Variants in SLAMF6 observed in about 807,000 individuals in gnomAD.
SLAMF6 encodes the protein NK-T-B-antigen.
A neutral mutation model predicts 38.3 loss-of-function variants in SLAMF6; 21 were observed. The observed-to-expected ratio is 0.55, with a 90% CI of 0.39 to 0.79. SLAMF6 has a LOEUF of 0.79. Ranked by LOEUF, SLAMF6 falls within the 30% of genes least tolerant of loss-of-function variation. SLAMF6 has a pLI of 0.00. For missense variants in SLAMF6, 341 were observed against 385.3 expected (o/e 0.89, Z 0.96); for synonymous variants, 152 against 146.3 (o/e 1.04, Z -0.28).
At chr1:160,493,675 C>G (rs552185661) in intron 2 of SLAMF6, among the ~76,000 whole-genome samples, 1 of 152,214 alleles carries the variant, frequency 6.6e-6, no homozygotes, top group East Asian at 1.9e-4. Flanking sequence ...ACACTGAACT[C>G]TAGGCAGTTG....
chr1:160,485,160 C>A lies in SLAMF6; in HGVS notation c.*1547G>T, dbSNP rs894308888. 2 of 152,116 alleles carry A rather than the reference C, an allele frequency of 1.3e-5. No individual in the cohort carries two copies. The highest frequency in any genetic ancestry group is 3.9e-4 in the East Asian group (2 of 5,184). 9.4% of individuals were successfully genotyped at this position (152,116 alleles called of 1,614,324 possible). On this transcript the variant is annotated 3_prime_UTR_variant, in exon 8 of 8. Coordinates refer to ENST00000368057, the MANE Select transcript of SLAMF6 (RefSeq NM_001184714.2). ...CCACCTCCTGGGTTCAAGCGATTCT[C>A]CTGCCTCAGTCTCTCAAGTAGCTGG...
Position 160,485,179 on chromosome 1 carries a change from T to A in SLAMF6, c.*1528A>T, listed in dbSNP as rs1281405481. 3 of 152,110 alleles carry A rather than the reference T, an allele frequency of 2.0e-5. No homozygotes were observed. The highest frequency in any genetic ancestry group is 4.4e-5 in the Non-Finnish European group (3 of 68,034). 9.4% of individuals were successfully genotyped at this position (152,110 alleles called of 1,614,324 possible). The stretch of plus-strand genomic sequence containing the variant: ...GATTCTCCTGCCTCAGTCTCTCAAG[T>A]AGCTGGGATTTTAGGGGTGCACCAC... On this transcript the variant is annotated 3_prime_UTR_variant, in exon 8 of 8. Transcript: ENST00000368057.
intron 6 of SLAMF6, among the ~76,000 whole-genome samples, chr1:160,487,994 G>A (rs1330626875): frequency 6.6e-6 from 1 of 151,380 alleles, no homozygotes; most frequent in African/African-American, 2.4e-5. Context: ...GGAGGCCAAG[G>A]TAAAAGGATC....
At chr1:160,497,383 CT>C (rs1258064752) in intron 1 of SLAMF6, among the ~76,000 whole-genome samples, 1 of 152,104 alleles carries the variant, frequency 6.6e-6, no homozygotes, top group Non-Finnish European at 1.5e-5. Context: ...CTTAATTAGC[CT>C]TGCATGTCAG....
chr1:160,522,508 A>C (rs990495298), intron 1 of SLAMF6, among the ~76,000 whole-genome samples: 2 of 152,186 alleles, frequency 1.3e-5, no homozygotes, highest in African/African-American at 4.8e-5. Context: ...TTCTCCATAT[A>C]ATGGACAGCA....
Position 160,491,205 on chromosome 1 carries a change from C to G in SLAMF6, c.566G>C (p.Ser189Thr). The G allele has an allele frequency of 6.2e-7, 1 of 1,614,080 alleles. No individual in the cohort carries two copies. Among genetic ancestry groups the G allele is most frequent in the Non-Finnish European group, 8.5e-7 (1 of 1,179,978 alleles). Residue 189 changes from serine to threonine, a missense_variant, in exon 3 of 8, where the codon AGT (serine) becomes ACT (threonine). Transcript: ENST00000368057. ...LTVSWDPRIS[S>T]EQDYTCIAEN... ...TGCTATGCAGGTGTAGTCCTGTTCA[C>G]TGGAAATCCTGGGGTCCCAGGAGAC... is the stretch of plus-strand genomic sequence containing the variant.
At chr1:160,500,905 G>C (rs1043315580) in intron 1 of SLAMF6, among the ~76,000 whole-genome samples, 2 of 152,112 alleles carry the variant, frequency 1.3e-5, no homozygotes, top group African/African-American at 4.8e-5. Flanking sequence ...TGGAACGCTT[G>C]TTTAAGTTCC....
chr1:160,520,466 T>G (rs888822443), intron 1 of SLAMF6, among the ~76,000 whole-genome samples: 1 of 152,176 alleles, frequency 6.6e-6, no homozygotes, highest in Non-Finnish European at 1.5e-5. Flanking sequence ...ATGCAGAATC[T>G]CAGTCCCTAT....
chr1:160,504,043 A>AC (rs1384481615), intron 1 of SLAMF6, among the ~76,000 whole-genome samples: 1 of 148,614 alleles, frequency 6.7e-6, no homozygotes, highest in Non-Finnish European at 1.5e-5. Context: ...AAGCAAAAGA[A>AC]AAAAAGGAGT....
At chr1:160,489,780 T>C (rs1280513892) in intron 5 of SLAMF6, among the ~76,000 whole-genome samples, 1 of 152,176 alleles carries the variant, frequency 6.6e-6, no homozygotes, top group Non-Finnish European at 1.5e-5. Flanking sequence ...TGTGTTTCTA[T>C]ATCATGTTTT....
At chr1:160,496,450 C>T (rs1653586883) in intron 1 of SLAMF6, 57 bp from the exon 2 acceptor site, 34 of 1,552,398 alleles carry the variant, frequency 2.2e-5, no homozygotes, top group Non-Finnish European at 2.8e-5. Flanking sequence ...CCTGCCAAGT[C>T]CTGCACCCTT....
rs1266111488 is a variant in SLAMF6, at chr1:160,485,301, C to T, written c.*1406G>A. 2 of 152,158 alleles carry T rather than the reference C, an allele frequency of 1.3e-5. No individual in the cohort carries two copies. The highest frequency in any genetic ancestry group is 4.8e-5 in the African/African-American group (2 of 41,410). 9.4% of individuals were successfully genotyped at this position (152,158 alleles called of 1,614,324 possible). A position where few individuals can be genotyped will look rare whatever the true frequency, so the allele number is the denominator to read the frequency against. On this transcript the variant is annotated 3_prime_UTR_variant, in exon 8 of 8. Coordinates refer to ENST00000368057, the MANE Select transcript of SLAMF6 (RefSeq NM_001184714.2). The stretch of plus-strand genomic sequence containing the variant: ...CTCCTGACCTCAAGTGATCTCCCCC[C>T]TTGGCCTCCCAAAGTACAGGGATTA...
chr1:160,489,294 G>A, intron 5 of SLAMF6, 124 bp from the exon 6 acceptor site: 1 of 863,108 alleles, frequency 1.2e-6, no homozygotes, highest in Non-Finnish European at 1.9e-6. Context: ...CTCCTTTCCT[G>A]AGGGATCATT....
In SLAMF6 at chr1:160,487,177, T is replaced by C; in HGVS notation, c.880-2A>G. 1.2e-6 allele frequency: 2 copies of C among 1,612,362 alleles called. No homozygotes were observed. Among genetic ancestry groups the C allele is most frequent in the Non-Finnish European group, 1.7e-6 (2 of 1,179,346 alleles). On this transcript the variant is annotated splice_acceptor_variant, in intron 6 of 7. Coordinates refer to ENST00000368057, the MANE Select transcript of SLAMF6 (RefSeq NM_001184714.2). LOFTEE classifies it high-confidence loss of function. ...TCTAGGTGTCCAGATTTCTGTTTCC[T>C]GTAAAAAGAATCATACCAATTTGGC...
intron 1 of SLAMF6, among the ~76,000 whole-genome samples, chr1:160,508,452 C>A (rs1407687862): frequency 6.6e-6 from 1 of 152,078 alleles, no homozygotes; most frequent in Non-Finnish European, 1.5e-5. Flanking sequence ...AACTGGCTAG[C>A]CATATGTAGA....
intron 1 of SLAMF6, among the ~76,000 whole-genome samples, chr1:160,497,887 G>A (rs1653677818): frequency 6.6e-6 from 1 of 152,076 alleles, no homozygotes; most frequent in Non-Finnish European, 1.5e-5. Flanking sequence ...ATCATTGATT[G>A]GAACCTAGGT....
intron 2 of SLAMF6, among the ~76,000 whole-genome samples, chr1:160,495,172 CTG>C (rs1653509466): frequency 6.6e-6 from 1 of 152,138 alleles, no homozygotes; most frequent in South Asian, 2.1e-4. Context: ...CCAAAGGACT[CTG>C]AGTGAATTTT....
At position 160,514,010 on chromosome 1, in the gene SLAMF6, C is replaced by T. The variant is rs35161722; in HGVS notation, c.49+9134G>A. 9.1e-3 allele frequency among the ~76,000 whole-genome samples: 1,390 copies of T among 152,250 alleles called. 10 individuals carry two copies. Among genetic ancestry groups the T allele is most frequent in the Middle Eastern group, 0.031 (9 of 294 alleles). ...TCATGATGACAGGATCAAATTCACA[C>T]ATAACAATACTAACTTTAAATATAA... On this transcript the variant is annotated intron_variant, in intron 1 of 7. Coordinates refer to ENST00000368057, the MANE Select transcript of SLAMF6 (RefSeq NM_001184714.2).
At chr1:160,491,057 C>G (rs772346399) in intron 3 of SLAMF6, 68 bp downstream of exon 3, 2 of 1,577,010 alleles carry the variant, frequency 1.3e-6, no homozygotes, top group Non-Finnish European at 1.7e-6. Context: ...TTGGAAATTA[C>G]GTAGGATGTG....
Sources: allele counts gnomAD v4.1 joint callset (sites outside exome capture counted in the v4.1 genomes callset), GRCh38; gene constraint gnomAD v4.1.1; transcripts MANE v1.5; gene names NCBI Gene and HGNC (gene_info 2026-07-23, HGNC 2026-07-21).